ABRACL: variants seen among roughly 807,000 people sequenced by gnomAD.
The protein encoded by ABRACL is ABRA C-terminal like.
A neutral mutation model predicts 7.0 loss-of-function variants in ABRACL; 4 were observed. The observed-to-expected ratio is 0.57, with a 90% CI of 0.28 to 1.30. The LOEUF (loss-of-function observed/expected upper bound fraction) is 1.30, where lower values mean the gene tolerates loss of function less well. Ranked by LOEUF, ABRACL falls within the 50% of genes most tolerant of loss-of-function variation. The probability of loss-of-function intolerance (pLI) is 0.10; values close to 1 mark genes in which losing one functional copy is unlikely to be tolerated. For missense variants in ABRACL, 104 were observed against 97.3 expected, an observed-to-expected ratio of 1.07 and a Z score of -0.29; for synonymous variants, 30 against 36.0, an observed-to-expected ratio of 0.83 and a Z score of 0.60.
At chr6:139,039,174 G>A (rs568172879) in intron 2 of ABRACL, among the ~76,000 whole-genome samples, 14 of 151,376 alleles carry the variant, frequency 9.2e-5, no homozygotes, top group Middle Eastern at 3.4e-3. Context: ...GCAGTGAGCC[G>A]AGACCACACC....
intron 1 of ABRACL, among the ~76,000 whole-genome samples, chr6:139,029,429 C>T (rs1350803395): frequency 1.3e-5 from 2 of 151,864 alleles, no homozygotes; most frequent in African/African-American, 4.8e-5. Flanking sequence ...TGCTCGCTCT[C>T]GCGGCGCTTC....
intron 1 of ABRACL, among the ~76,000 whole-genome samples, chr6:139,032,154 CG>C: frequency 6.6e-6 from 1 of 151,860 alleles, no homozygotes; most frequent in Non-Finnish European, 1.5e-5. Context: ...TTAGTAGAGA[CG>C]GGGTTTCACC....
At chr6:139,034,103 G>A in intron 1 of ABRACL, 52 bp from the exon 2 acceptor site, 1 of 1,609,988 alleles carries the variant, frequency 6.2e-7, no homozygotes, top group Non-Finnish European at 8.5e-7. Flanking sequence ...ATTTGGATGT[G>A]CTTAATGGAA....
chr6:139,042,177 G>A (rs973863946), intron 2 of ABRACL, among the ~76,000 whole-genome samples: 2 of 152,112 alleles, frequency 1.3e-5, no homozygotes, highest in African/African-American at 4.8e-5. Flanking sequence ...TTAAAAACTG[G>A]CCTCCAAATA....
chr6:139,033,328 G>A lies in ABRACL; in HGVS notation c.-6-827G>A, dbSNP rs180865842. Among the ~76,000 whole-genome samples, 15 of 152,358 alleles carry A rather than the reference G, an allele frequency of 9.8e-5. No individual in the cohort carries two copies. In the East Asian group the frequency reaches 2.7e-3, roughly 27 times the overall value. ...TATTCTGAACTCCTCCTTATCTGCA[G>A]ATGAATGAACTTCACCGTGAGCTAT... is the stretch of plus-strand genomic sequence containing the variant. On this transcript the variant is annotated intron_variant, in intron 1 of 2. Coordinates refer to ENST00000367660, the MANE Select transcript of ABRACL (RefSeq NM_021243.3).
intron 1 of ABRACL, among the ~76,000 whole-genome samples, chr6:139,030,740 AAAGAGG>A (rs1786069692): frequency 6.6e-6 from 1 of 152,170 alleles, no homozygotes; most frequent in Non-Finnish European, 1.5e-5. Flanking sequence ...CATAATGGCA[AAAGAGG>A]AAGAGGAAGC....
Position 139,043,231 on chromosome 6 carries a change from A to G in ABRACL, c.*328A>G, listed in dbSNP as rs1001843523. The G allele has an allele frequency of 1.1e-5, 2 of 179,518 alleles. No homozygotes were observed. The highest frequency in any genetic ancestry group is 4.7e-5 in the African/African-American group (2 of 42,472). 11.1% of individuals were successfully genotyped at this position (179,518 alleles called of 1,614,324 possible). A position where few individuals can be genotyped will look rare whatever the true frequency, so the allele number is the denominator to read the frequency against. The stretch of plus-strand genomic sequence containing the variant: ...TTGACATTCTGCGAAAGCAACAAGC[A>G]AACTGAAGACCAACTCCTATGAGAA... On this transcript the variant is annotated 3_prime_UTR_variant, in exon 3 of 3. Coordinates refer to ENST00000367660, the MANE Select transcript of ABRACL (RefSeq NM_021243.3).
At chr6:139,029,813 C>T (rs1786053292) in intron 1 of ABRACL, among the ~76,000 whole-genome samples, 1 of 152,180 alleles carries the variant, frequency 6.6e-6, no homozygotes. Context: ...AAAGTTGGTT[C>T]CTGATTCCGG....
At chr6:139,036,263 G>A (rs1157381631) in intron 2 of ABRACL, among the ~76,000 whole-genome samples, 2 of 151,994 alleles carry the variant, frequency 1.3e-5, no homozygotes, top group South Asian at 2.1e-4. Context: ...CTGTTTTAAG[G>A]ACTTTTTGGA....
intron 2 of ABRACL, among the ~76,000 whole-genome samples, 184 bp from the exon 3 acceptor site, chr6:139,042,535 A>G (rs776766044): frequency 4.6e-5 from 7 of 152,248 alleles, no homozygotes; most frequent in African/African-American, 1.2e-4. Context: ...GGCATATAGC[A>G]TGTATTTATT....
At chr6:139,034,566 G>A in intron 2 of ABRACL, 1 of 694,968 alleles carries the variant, frequency 1.4e-6, no homozygotes, top group Non-Finnish European at 2.2e-6. Context: ...CATGTTTTCT[G>A]CCTTGTTCTG....
intron 2 of ABRACL, 118 bp downstream of exon 2, chr6:139,034,339 G>T: frequency 6.3e-7 from 1 of 1,590,298 alleles, no homozygotes; most frequent in Non-Finnish European, 8.6e-7. Context: ...AGGTCTGGGA[G>T]CTCTGCCCAC....
In ABRACL at chr6:139,043,218, G is replaced by A. The variant is rs11544429; in HGVS notation, c.*315G>A. ...TTTCTATAGATATTTGACATTCTGC[G>A]AAAGCAACAAGCAAACTGAAGACCA... On this transcript the variant is annotated 3_prime_UTR_variant, in exon 3 of 3. Coordinates refer to ENST00000367660, the MANE Select transcript of ABRACL (RefSeq NM_021243.3). 8,332 of 186,974 alleles carry A rather than the reference G, an allele frequency of 0.045. 409 individuals are homozygous for A. The highest frequency in any genetic ancestry group is 0.18 in the South Asian group (987 of 5,576). 11.6% of individuals were successfully genotyped at this position (186,974 alleles called of 1,614,324 possible).
chr6:139,029,440 G>C (rs1391994225), intron 1 of ABRACL, among the ~76,000 whole-genome samples: 1 of 151,810 alleles, frequency 6.6e-6, no homozygotes, highest in Non-Finnish European at 1.5e-5. Context: ...GCGGCGCTTC[G>C]GGGCGCCCGG....
intron 2 of ABRACL, among the ~76,000 whole-genome samples, chr6:139,037,777 C>CTT (rs35731074): frequency 1.5e-5 from 2 of 136,156 alleles, no homozygotes; most frequent in Admixed American, 7.5e-5. Context: ...TTCTTTTTCT[C>CTT]TTTTTTTTTT....
chr6:139,041,481 CTATA>C (rs1162897563), intron 2 of ABRACL, among the ~76,000 whole-genome samples: 1 of 74,022 alleles, frequency 1.4e-5, no homozygotes, highest in African/African-American at 4.0e-5. Context: ...TTCTATATTT[CTATA>C]TATATATATG....
chr6:139,031,648 T>C (rs150970915), intron 1 of ABRACL, among the ~76,000 whole-genome samples: 53 of 152,308 alleles, frequency 3.5e-4, no homozygotes, highest in African/African-American at 1.2e-3. Flanking sequence ...GCCATTGACA[T>C]CAGGGACTAT....
intron 1 of ABRACL, among the ~76,000 whole-genome samples, chr6:139,030,334 T>G (rs1052501937): frequency 6.6e-6 from 1 of 152,204 alleles, no homozygotes; most frequent in African/African-American, 2.4e-5. Flanking sequence ...AATCCATTAA[T>G]GTGAACTATA....
In ABRACL at chr6:139,043,034, T is replaced by C; in HGVS notation, c.*131T>C. 1.4e-6 allele frequency: 1 copy of C among 696,218 alleles called. No individual in the cohort carries two copies. Among genetic ancestry groups the C allele is most frequent in the Non-Finnish European group, 2.2e-6 (1 of 460,314 alleles). The allele number at this position is 696,218 out of a possible 1,614,324, so 43.1% of individuals were successfully genotyped here. A position where few individuals can be genotyped will look rare whatever the true frequency, so the allele number is the denominator to read the frequency against. The stretch of plus-strand genomic sequence containing the variant: ...TTTGTAAACGAAAGGAGATTCATGT[T>C]TTAGAAGTCTGTCCTTTTTTATATC... On this transcript the variant is annotated 3_prime_UTR_variant, in exon 3 of 3. Coordinates refer to ENST00000367660, the MANE Select transcript of ABRACL (RefSeq NM_021243.3).
Sources: allele counts gnomAD v4.1 joint callset (sites outside exome capture counted in the v4.1 genomes callset), GRCh38; gene constraint gnomAD v4.1.1; transcripts MANE v1.5; gene names NCBI Gene and HGNC (gene_info 2026-07-23, HGNC 2026-07-21).